The following ELAVL2 variants were observed in gnomAD, a reference collection of about 807,000 sequenced individuals.
ELAVL2 encodes the protein ELAV like RNA binding protein 2.
In ELAVL2, 4 loss-of-function variants were observed where a neutral mutation model predicts 34.6. That is an observed-to-expected ratio of 0.12 (90% CI 0.06 to 0.26). The LOEUF is 0.26. ELAVL2 is among the 10% of genes least tolerant of loss of function. The probability of loss-of-function intolerance (pLI) is 1.00; values close to 1 mark genes in which losing one functional copy is unlikely to be tolerated. For missense variants in ELAVL2, 432 were observed against 442.8 expected, an observed-to-expected ratio of 0.98 and a Z score of 0.22; for synonymous variants, 193 against 154.8, an observed-to-expected ratio of 1.25 and a Z score of -1.83.
chr9:23,805,532 C>A (rs2062100206), intron 1 of ELAVL2, among the ~76,000 whole-genome samples: 1 of 152,160 alleles, frequency 6.6e-6, no homozygotes, highest in South Asian at 2.1e-4. Flanking sequence ...GGCAGGCCTA[C>A]AACATACAAA....
rs551052740 is a variant in ELAVL2, at chr9:23,760,640, T to C, written c.229+1366A>G. 2.6e-5 allele frequency among the ~76,000 whole-genome samples: 4 copies of C among 152,140 alleles called. 1 individual carries two copies. Among genetic ancestry groups the C allele is most frequent in the Admixed American group, 2.6e-4 (4 of 15,246 alleles). On this transcript the variant is annotated intron_variant, in intron 2 of 6. Transcript: ENST00000397312. ...TATCACACTCATTTTGGAAAAGAAA[T>C]TGAAAAATCTCATCCATCTGATTAT...
chr9:23,809,023 T>C (rs564243525), intron 1 of ELAVL2, among the ~76,000 whole-genome samples: 2 of 152,340 alleles, frequency 1.3e-5, no homozygotes, highest in South Asian at 4.1e-4. Context: ...TTAAGGTTAC[T>C]ATGTCCTATA....
chr9:23,849,655 C>T, the ELAVL2 span: 1 of 152,344 alleles, frequency 6.6e-6, no homozygotes, highest in East Asian at 1.9e-4. Flanking sequence ...CAACTCCCAC[C>T]CACTTTAAAT....
Position 23,803,446 on chromosome 9 carries a change from G to A in ELAVL2, c.-16+22360C>T, listed in dbSNP as rs1358492688. ...AGAAGCAGTTTTTCACTTTCATTTG[G>A]GGGTTTACACCCTAGTCAGGAAGCC... On this transcript the variant is annotated intron_variant, in intron 1 of 6. Transcript: ENST00000397312. Among the ~76,000 whole-genome samples the A allele has an allele frequency of 2.6e-5, 4 of 152,034 alleles. No individual in the cohort carries two copies. In the East Asian group the frequency reaches 5.8e-4, roughly 22 times the overall value.
At chr9:23,752,404 CTAAG>C (rs2052327291) in intron 2 of ELAVL2, among the ~76,000 whole-genome samples, 1 of 152,054 alleles carries the variant, frequency 6.6e-6, no homozygotes, top group African/African-American at 2.4e-5. Flanking sequence ...TGATCCCAAA[CTAAG>C]TAACAAACCT....
chr9:23,731,377 C>T (rs139244617), intron 2 of ELAVL2, among the ~76,000 whole-genome samples: 1 of 152,020 alleles, frequency 6.6e-6, no homozygotes, highest in African/African-American at 2.4e-5. Flanking sequence ...ATTCCACCAT[C>T]CATGCCCTGC....
At chr9:23,814,523 G>A (rs1455241839) in intron 1 of ELAVL2, among the ~76,000 whole-genome samples, 3 of 152,122 alleles carry the variant, frequency 2.0e-5, no homozygotes, top group African/African-American at 2.4e-5. Context: ...TGATGACCTC[G>A]TATTTGGGAA....
intron 2 of ELAVL2, among the ~76,000 whole-genome samples, chr9:23,755,892 A>G (rs1206695641): frequency 6.6e-6 from 1 of 152,198 alleles, no homozygotes; most frequent in East Asian, 1.9e-4. Context: ...TACTATGGAC[A>G]TTTCACATGC....
At chr9:23,755,779 T>C (rs1588138514) in intron 2 of ELAVL2, among the ~76,000 whole-genome samples, 1 of 152,258 alleles carries the variant, frequency 6.6e-6, no homozygotes, top group South Asian at 2.1e-4. Flanking sequence ...TTAAATAGCA[T>C]ACAGAGTTTG....
At position 23,782,378 on chromosome 9, in the gene ELAVL2, T is replaced by C. The variant is rs1035039248; in HGVS notation, c.-15-20129A>G. 6.0e-5 allele frequency among the ~76,000 whole-genome samples: 9 copies of C among 150,216 alleles called. No homozygotes were observed. The East Asian group carries it at 1.8e-3, about 30-fold the overall frequency. On this transcript the variant is annotated intron_variant, in intron 1 of 6. Coordinates refer to ENST00000397312, the MANE Select transcript of ELAVL2 (RefSeq NM_004432.5). ...GGTGAAACCCCAGCTCTACTAAAAA[T>C]ACAAAAATTAAAAATACAAAAAATT... is the stretch of plus-strand genomic sequence containing the variant.
chr9:23,739,654 G>A (rs943627605), intron 2 of ELAVL2, among the ~76,000 whole-genome samples: 3 of 151,946 alleles, frequency 2.0e-5, no homozygotes, highest in African/African-American at 7.3e-5. Context: ...GAAGGCAAAG[G>A]AACTGTATTC....
chr9:23,699,805 G>A (rs1403849456), intron 5 of ELAVL2, among the ~76,000 whole-genome samples: 1 of 126,104 alleles, frequency 7.9e-6, no homozygotes, highest in Non-Finnish European at 1.6e-5. Context: ...AGTCAAAGGT[G>A]GCAAAGGTTT....
chr9:23,712,580 G>GAGACT (rs2041267474), intron 3 of ELAVL2, among the ~76,000 whole-genome samples: 1 of 152,112 alleles, frequency 6.6e-6, no homozygotes, highest in Admixed American at 6.6e-5. Context: ...TAAGAATCCT[G>GAGACT]AGACTAGTAC....
At chr9:23,706,866 T>C (rs1287545214) in intron 3 of ELAVL2, among the ~76,000 whole-genome samples, 5 of 152,142 alleles carry the variant, frequency 3.3e-5, no homozygotes, top group Admixed American at 2.6e-4. Flanking sequence ...CAGAAAAAAA[T>C]ATAAGCCACA....
intron 2 of ELAVL2, among the ~76,000 whole-genome samples, chr9:23,732,977 C>T (rs1453061291): frequency 1.3e-5 from 2 of 151,838 alleles, no homozygotes; most frequent in African/African-American, 4.8e-5. Flanking sequence ...AAAGATGCCA[C>T]AAATATAACA....
the ELAVL2 span, among the ~76,000 whole-genome samples, chr9:23,837,046 A>C: frequency 6.6e-6 from 1 of 152,352 alleles, no homozygotes; most frequent in African/African-American, 2.4e-5. Context: ...ATATGAGGAC[A>C]AGACTGACAG....
At chr9:23,783,473 G>T in intron 1 of ELAVL2, 2 of 985,418 alleles carry the variant, frequency 2.0e-6, no homozygotes, top group Non-Finnish European at 1.2e-6. Flanking sequence ...GCACTAACCT[G>T]AAAACAACGA....
chr9:23,749,285 T>A (rs2051292951), intron 2 of ELAVL2, among the ~76,000 whole-genome samples: 1 of 152,110 alleles, frequency 6.6e-6, no homozygotes, highest in Non-Finnish European at 1.5e-5. Context: ...TTAACTAGTA[T>A]AATACAAGTA....
At chr9:23,785,971 T>C (rs897215069) in intron 1 of ELAVL2, among the ~76,000 whole-genome samples, 2 of 152,196 alleles carry the variant, frequency 1.3e-5, no homozygotes, top group Admixed American at 6.5e-5. Flanking sequence ...TCACCTGGCA[T>C]AGTGATCTAC....
Sources: allele counts gnomAD v4.1 joint callset (sites outside exome capture counted in the v4.1 genomes callset), GRCh38; gene constraint gnomAD v4.1.1; transcripts MANE v1.5; gene names NCBI Gene and HGNC (gene_info 2026-07-23, HGNC 2026-07-21).